GRHL2: variants seen among roughly 807,000 people sequenced by gnomAD.
GRHL2 encodes grainyhead-like protein 2 homolog.
GRHL2 carries 21 observed loss-of-function variants against 83.8 expected under a neutral mutation model. The observed-to-expected ratio is 0.25, with a 90% confidence interval of 0.18 to 0.36. The LOEUF is 0.36. GRHL2 is among the 10% of genes least tolerant of loss of function. GRHL2 has a pLI of 1.00. For missense variants in GRHL2, 623 were observed against 781.8 expected, an observed-to-expected ratio of 0.80 and a Z score of 2.42; for synonymous variants, 280 against 278.9, an observed-to-expected ratio of 1.00 and a Z score of -0.04.
At chr8:101,598,960 C>A (rs147533924) in intron 7 of GRHL2, 97 bp from the exon 8 acceptor site, 2 of 831,790 alleles carry the variant, frequency 2.4e-6, no homozygotes, top group East Asian at 2.6e-5. Context: ...GAAAAATAAA[C>A]GAAGTTTAAA....
chr8:101,507,332 A>G (rs1178852155), intron 1 of GRHL2, among the ~76,000 whole-genome samples: 1 of 152,206 alleles, frequency 6.6e-6, no homozygotes, highest in Non-Finnish European at 1.5e-5. Flanking sequence ...ACATATGGAA[A>G]GCTTGAGATT....
At chr8:101,613,841 G>A (rs1005759960) in intron 8 of GRHL2, among the ~76,000 whole-genome samples, 4 of 150,850 alleles carry the variant, frequency 2.7e-5, no homozygotes, top group African/African-American at 5.0e-5. Flanking sequence ...GCAATTTCTT[G>A]GAAAAGAATT....
chr8:101,592,607 G>A (rs1812310721), intron 7 of GRHL2, among the ~76,000 whole-genome samples: 1 of 152,194 alleles, frequency 6.6e-6, no homozygotes, highest in Non-Finnish European at 1.5e-5. Flanking sequence ...TATGGAATCG[G>A]AATCTCTGAG....
chr8:101,596,301 C>T (rs192022052), intron 7 of GRHL2, among the ~76,000 whole-genome samples: 3 of 152,106 alleles, frequency 2.0e-5, no homozygotes, highest in Admixed American at 6.5e-5. Context: ...TTGGAGGAAA[C>T]GAGAACACAT....
intron 13 of GRHL2, among the ~76,000 whole-genome samples, chr8:101,645,871 T>G (rs566349286): frequency 1.3e-5 from 2 of 152,292 alleles, no homozygotes; most frequent in Non-Finnish European, 1.5e-5. Flanking sequence ...TTACAAAAAT[T>G]TCTTTAAAAA....
chr8:101,675,449 C>T, the GRHL2 span, among the ~76,000 whole-genome samples: 3 of 152,080 alleles, frequency 2.0e-5, no homozygotes, highest in East Asian at 5.8e-4. Flanking sequence ...TGAGTGAACT[C>T]CCATTCACAA....
intron 3 of GRHL2, among the ~76,000 whole-genome samples, chr8:101,553,103 A>G (rs377335326): frequency 6.6e-6 from 1 of 152,224 alleles, no homozygotes; most frequent in African/African-American, 2.4e-5. Context: ...CTATGGCATT[A>G]TAACTGCAAT....
At chr8:101,537,062 T>A (rs575710930) in intron 1 of GRHL2, among the ~76,000 whole-genome samples, 14 of 152,294 alleles carry the variant, frequency 9.2e-5, no homozygotes, top group Non-Finnish European at 2.1e-4. Flanking sequence ...AGTTTAAGGA[T>A]AATAACCTCT....
chr8:101,636,707 A>G, intron 11 of GRHL2, 190 bp from the exon 12 acceptor site: 1 of 603,060 alleles, frequency 1.7e-6, no homozygotes, highest in Non-Finnish European at 3.0e-6. Flanking sequence ...GAACTTAAAT[A>G]TGCATTTCCT....
intron 14 of GRHL2, among the ~76,000 whole-genome samples, chr8:101,656,471 C>A (rs1433409543): frequency 6.6e-6 from 1 of 152,200 alleles, no homozygotes; most frequent in Non-Finnish European, 1.5e-5. Flanking sequence ...CTTAAGTCCT[C>A]AAGCAACTTA....
chr8:101,678,148 T>C, the GRHL2 span, among the ~76,000 whole-genome samples: 2 of 152,098 alleles, frequency 1.3e-5, no homozygotes, highest in Admixed American at 1.3e-4. Flanking sequence ...AGACGGGTGA[T>C]TTCTGCATTT....
intron 4 of GRHL2, among the ~76,000 whole-genome samples, chr8:101,566,597 T>C (rs1811723073): frequency 6.8e-6 from 1 of 148,046 alleles, no homozygotes; most frequent in East Asian, 1.9e-4. Context: ...AATATTATTA[T>C]ATATATTATT....
At chr8:101,671,396 T>C (rs539474575), downstream of GRHL2, among the ~76,000 whole-genome samples, 6 of 152,208 alleles carry the variant, frequency 3.9e-5, no homozygotes, top group South Asian at 4.1e-4. Flanking sequence ...CCTACGCGCA[T>C]GGAGTCTCGC....
chr8:101,671,670 G>A (rs1029815751), downstream of GRHL2, among the ~76,000 whole-genome samples: 1 of 152,216 alleles, frequency 6.6e-6, no homozygotes, highest in East Asian at 1.9e-4. Context: ...GTCCCTGTCT[G>A]ACAGCTTTGA....
intron 4 of GRHL2, among the ~76,000 whole-genome samples, chr8:101,561,329 T>C (rs1811605050): frequency 6.6e-6 from 1 of 152,116 alleles, no homozygotes; most frequent in African/African-American, 2.4e-5. Context: ...AAAAATAAAG[T>C]TTGTTCTACC....
intron 14 of GRHL2, among the ~76,000 whole-genome samples, chr8:101,661,620 A>G (rs533253481): frequency 2.0e-4 from 31 of 151,904 alleles, no homozygotes; most frequent in Non-Finnish European, 3.4e-4. Context: ...TTTATTTTTC[A>G]TTTTTTCTAA....
chr8:101,545,110 G>A (rs886146542), intron 2 of GRHL2, among the ~76,000 whole-genome samples: 1 of 150,144 alleles, frequency 6.7e-6, no homozygotes, highest in Admixed American at 6.6e-5. Flanking sequence ...TGACTGACAG[G>A]TAGGACCATC....
At chr8:101,521,453 AC>A (rs1810681139) in intron 1 of GRHL2, among the ~76,000 whole-genome samples, 1 of 152,194 alleles carries the variant, frequency 6.6e-6, no homozygotes, top group South Asian at 2.1e-4. Flanking sequence ...CCTGGCTACC[AC>A]ATGGTCCCCA....
chr8:101,516,640 C>A (rs1214471224), intron 1 of GRHL2, among the ~76,000 whole-genome samples: 1 of 152,172 alleles, frequency 6.6e-6, no homozygotes, highest in Non-Finnish European at 1.5e-5. Context: ...CTCATGAGCT[C>A]AGGCAATCCT....
Sources: allele counts gnomAD v4.1 joint callset (sites outside exome capture counted in the v4.1 genomes callset), GRCh38; gene constraint gnomAD v4.1.1; transcripts MANE v1.5; gene names NCBI Gene and HGNC (gene_info 2026-07-23, HGNC 2026-07-21).